The following C20orf96 variants were observed in gnomAD, a reference collection of about 807,000 sequenced individuals.
C20orf96 encodes chromosome 20 open reading frame 96.
Under a neutral mutation model 52.6 loss-of-function variants are expected in C20orf96, and 57 were observed. The observed-to-expected ratio is 1.08, with a 90% CI of 0.88 to 1.35. The LOEUF (loss-of-function observed/expected upper bound fraction) is 1.35. Ranked by LOEUF, C20orf96 falls within the 40% of genes most tolerant of loss-of-function variation. C20orf96 has a pLI of 0.00. For missense variants in C20orf96, 478 were observed against 443.6 expected, an observed-to-expected ratio of 1.08 and a Z score of -0.70; for synonymous variants, 168 against 157.2, an observed-to-expected ratio of 1.07 and a Z score of -0.51.
At chr20:274,322 C>A (rs927752380) in intron 10 of C20orf96, among the ~76,000 whole-genome samples, 2 of 152,088 alleles carry the variant, frequency 1.3e-5, no homozygotes, top group Non-Finnish European at 2.9e-5. Context: ...GGTATGACCA[C>A]CAGAATGGTG....
intron 4 of C20orf96, among the ~76,000 whole-genome samples, chr20:279,934 T>A (rs1241484000): frequency 1.3e-5 from 2 of 151,902 alleles, no homozygotes. Flanking sequence ...GCGCCACTGC[T>A]CTCCAGCCTG....
chr20:275,853 C>T (rs1177767030), intron 10 of C20orf96, 115 bp downstream of exon 10: 1 of 971,990 alleles, frequency 1.0e-6, no homozygotes, highest in Non-Finnish European at 1.6e-6. Context: ...GACCGCCCCT[C>T]CCTCCCTGTA....
At chr20:286,745 T>A (rs1236170365) in intron 3 of C20orf96, among the ~76,000 whole-genome samples, 2 of 152,052 alleles carry the variant, frequency 1.3e-5, no homozygotes, top group Non-Finnish European at 2.9e-5. Flanking sequence ...GATATAGGAC[T>A]TTCCCATAAC....
intron 10 of C20orf96, among the ~76,000 whole-genome samples, chr20:273,213 A>G (rs550831608): frequency 3.0e-4 from 45 of 152,262 alleles, no homozygotes; most frequent in South Asian, 6.2e-4. Context: ...GGGCTCAAGC[A>G]ATCCTCCCAC....
chr20:284,338 A>G (rs6082055), intron 3 of C20orf96, among the ~76,000 whole-genome samples: 38,805 of 152,180 alleles, frequency 0.25, 5,804 homozygotes, highest in East Asian at 0.37. Context: ...AGGGGAGGGC[A>G]GGGCAGCCAG....
chr20:276,247 G>C (rs982447314), intron 9 of C20orf96, 161 bp from the exon 10 acceptor site: 2 of 985,448 alleles, frequency 2.0e-6, no homozygotes, highest in South Asian at 9.4e-5. Flanking sequence ...CCCATGCAAG[G>C]TGCGGCTGGC....
rs372566973 is a variant in C20orf96, at chr20:289,634, A to G, written c.112T>C (p.Ser38Pro). The change falls in exon 3 of 11, where the codon TCT becomes CCT. Residue 38 changes from serine (S) to proline (P), a missense_variant. Ser to Pro is a moderately conservative substitution (Grantham distance 74). Coordinates refer to ENST00000360321, the MANE Select transcript of C20orf96 (RefSeq NM_153269.3). ...GCTTGTTGGACTGGAGGCAGAGTAG[A>G]TGGCTTGGTTTCCTGCTTGGACTGC... The part of the protein sequence containing the change: ...WQQSKQETKP[S>P]TLPPVQQANS... 154 of 1,613,962 alleles carry G rather than the reference A, an allele frequency of 9.5e-5. No individual in the cohort carries two copies. Among genetic ancestry groups the G allele is most frequent in the Non-Finnish European group, 1.3e-4 (149 of 1,179,982 alleles).
At chr20:274,414 C>T (rs2011950881) in intron 10 of C20orf96, among the ~76,000 whole-genome samples, 1 of 152,208 alleles carries the variant, frequency 6.6e-6, no homozygotes, top group Non-Finnish European at 1.5e-5. Context: ...CTCCACTCTT[C>T]TCTGCCCCAA....
intron 3 of C20orf96, among the ~76,000 whole-genome samples, chr20:288,214 T>G (rs1342671350): frequency 7.2e-6 from 1 of 138,738 alleles, no homozygotes; most frequent in East Asian, 2.4e-4. Context: ...GGGTGTCCAA[T>G]TGCTCCAGCG....
chr20:283,679 T>C (rs185674460), intron 4 of C20orf96, among the ~76,000 whole-genome samples: 79 of 139,018 alleles, frequency 5.7e-4, no homozygotes, highest in Non-Finnish European at 9.2e-4. Flanking sequence ...GCAATTCTGA[T>C]TATTTCTTGA....
At chr20:283,161 A>T (rs1171415889) in intron 4 of C20orf96, among the ~76,000 whole-genome samples, 1 of 152,174 alleles carries the variant, frequency 6.6e-6, no homozygotes, top group African/African-American at 2.4e-5. Context: ...ATACTTTGAG[A>T]CATTGTTCAG....
At position 284,410 on chromosome 20, in the gene C20orf96, T is replaced by C. The variant is rs2012330553; in HGVS notation, c.188-329A>G. ...CGGGAACTCCCACTCCTTGTGTCTT[T>C]CCAGTAGCTACTGCAGCACAGGACA... On this transcript the variant is annotated intron_variant, in intron 3 of 10. Transcript: ENST00000360321. 2.0e-5 allele frequency among the ~76,000 whole-genome samples: 3 copies of C among 152,212 alleles called. No individual in the cohort carries two copies. In the South Asian group the frequency reaches 6.2e-4, roughly 32 times the overall value.
Position 275,994 on chromosome 20 carries a change from A to C in C20orf96, c.1005T>G (p.Phe335Leu), listed in dbSNP as rs2012007182. The C allele has an allele frequency of 6.2e-7, 1 of 1,613,930 alleles. No individual in the cohort carries two copies. Reference protein sequence around the residue: ...AQTREPREVIFEDVLLRRPKC... With the variant: ...AQTREPREVILEDVLLRRPKC... ...TGGGTCTCCGAAGCAGAACATCCTC[A>C]AATATGACCTCTCGGGGTTCCCGGG... The change falls in exon 10 of 11, where the codon TTT becomes TTG. Residue 335 changes from phenylalanine to leucine, a missense_variant. Physicochemically the swap from Phe to Leu is conservative, Grantham distance 22 (BLOSUM62 0). Transcript: ENST00000360321.
intron 10 of C20orf96, among the ~76,000 whole-genome samples, chr20:273,890 GAAGA>G (rs1264065011): frequency 1.4e-4 from 10 of 71,426 alleles, no homozygotes; most frequent in South Asian, 1.4e-3. Context: ...AAGAAGGAAG[GAAGA>G]AAGGAAGGAA....
intron 3 of C20orf96, among the ~76,000 whole-genome samples, chr20:287,789 G>T (rs2012423670): frequency 6.6e-6 from 1 of 151,674 alleles, no homozygotes; most frequent in Non-Finnish European, 1.5e-5. Context: ...CACGCCTTCA[G>T]TCCCAGCTAC....
intron 6 of C20orf96, among the ~76,000 whole-genome samples, 167 bp from the exon 7 acceptor site, chr20:277,550 C>T (rs6132242): frequency 2.0e-5 from 3 of 151,612 alleles, no homozygotes; most frequent in East Asian, 1.9e-4. Flanking sequence ...AGGCTCTAGA[C>T]GGTTTTCCAC....
intron 5 of C20orf96, among the ~76,000 whole-genome samples, 184 bp from the exon 6 acceptor site, chr20:278,613 A>G (rs566472869): frequency 7.2e-5 from 11 of 151,874 alleles, no homozygotes; most frequent in Admixed American, 3.9e-4. Flanking sequence ...AGACATACAG[A>G]TCGCTTGCTA....
chr20:286,094 T>C (rs992487881), intron 3 of C20orf96, among the ~76,000 whole-genome samples: 12 of 152,240 alleles, frequency 7.9e-5, no homozygotes, highest in Middle Eastern at 3.2e-3. Flanking sequence ...TGAATTTAAA[T>C]GCTTAAGGAA....
At position 271,258 on chromosome 20, in the gene C20orf96, T is replaced by TGGGGTGCACCTGGTGGG. The variant is rs1568488275; in HGVS notation, c.1032-8_1040dup (p.Asp348ProfsTer?). 10 of 1,555,130 alleles carry TGGGGTGCACCTGGTGGG rather than the reference T, an allele frequency of 6.4e-6. No homozygotes were observed. The highest frequency in any genetic ancestry group is 8.7e-6 in the Non-Finnish European group (10 of 1,148,926). On this transcript the variant is annotated frameshift_variant, in exon 11 of 11. Coordinates refer to ENST00000360321, the MANE Select transcript of C20orf96 (RefSeq NM_153269.3). LOFTEE classifies it high-confidence loss of function. Reference sequence around the variant, plus strand: ...GAATGTTGAGGATGACATCCATGTCTGGGGTGCACCTGGTGGGAGGCAGCA... The same window carrying TGGGGTGCACCTGGTGGG: ...GAATGTTGAGGATGACATCCATGTCTGGGGTGCACCTGGTGGGGGGGTGCACCTGGTGGGAGGCAGCA...
Sources: allele counts gnomAD v4.1 joint callset (sites outside exome capture counted in the v4.1 genomes callset), GRCh38; gene constraint gnomAD v4.1.1; transcripts MANE v1.5; gene names NCBI Gene and HGNC (gene_info 2026-07-23, HGNC 2026-07-21).